Variants in IGSF21 observed in about 807,000 individuals in gnomAD.
IGSF21 encodes the protein immunoglobulin superfamily member 21.
IGSF21 carries 28 observed loss-of-function variants against 46.8 expected under a neutral mutation model. The ratio of observed to expected loss-of-function variants is 0.60; its 90% CI spans 0.44 to 0.82. IGSF21 has a LOEUF of 0.82. Among genes scored for constraint, IGSF21 ranks in the 40% least tolerant of loss-of-function variants. The probability of loss-of-function intolerance (pLI) is 0.00; values close to 1 mark genes in which losing one functional copy is unlikely to be tolerated. For synonymous variants in IGSF21, 284 were observed against 273.6 expected (o/e 1.04, Z -0.38); for missense variants, 624 against 665.5 (o/e 0.94, Z 0.69).
intron 2 of IGSF21, among the ~76,000 whole-genome samples, chr1:18,247,535 C>A (rs1337079922): frequency 6.6e-6 from 1 of 152,106 alleles, no homozygotes; most frequent in Non-Finnish European, 1.5e-5. Context: ...GGCCAGGAAG[C>A]AGCCCATCCT....
chr1:18,171,108 T>C (rs1367842792), intron 1 of IGSF21, among the ~76,000 whole-genome samples: 1 of 151,998 alleles, frequency 6.6e-6, no homozygotes, highest in Non-Finnish European at 1.5e-5. Flanking sequence ...GGAGCAAGTG[T>C]CTCGGTGTCT....
intron 3 of IGSF21, among the ~76,000 whole-genome samples, chr1:18,333,002 C>A (rs961933212): frequency 2.0e-5 from 3 of 152,124 alleles, no homozygotes; most frequent in Non-Finnish European, 4.4e-5. Context: ...TGTTGCTCTG[C>A]AAAAGCAGGT....
intron 3 of IGSF21, among the ~76,000 whole-genome samples, chr1:18,308,625 G>A (rs950058035): frequency 6.6e-6 from 1 of 152,210 alleles, no homozygotes. Context: ...ATAGTACAGT[G>A]TGCAAGCTCC....
At position 18,172,994 on chromosome 1, in the gene IGSF21, A is replaced by G. The variant is rs929046612; in HGVS notation, c.71-54904A>G. On this transcript the variant is annotated intron_variant, in intron 1 of 9. Coordinates refer to ENST00000251296, the MANE Select transcript of IGSF21 (RefSeq NM_032880.5). ...TAATATAAAATTTTTCACATTTTAA[A>G]AAAACAGCTTTAGGCCAGGTGCGGT... is the stretch of plus-strand genomic sequence containing the variant. Among the ~76,000 whole-genome samples the G allele has an allele frequency of 7.9e-5, 12 of 152,358 alleles. No individual in the cohort carries two copies. In the East Asian group the frequency reaches 9.6e-4, roughly 12 times the overall value.
At chr1:18,318,605 A>G (rs924007410) in intron 3 of IGSF21, among the ~76,000 whole-genome samples, 1 of 151,518 alleles carries the variant, frequency 6.6e-6, no homozygotes, top group Non-Finnish European at 1.5e-5. Flanking sequence ...ATGCCACCCC[A>G]CTTCTTCCAT....
intron 1 of IGSF21, among the ~76,000 whole-genome samples, chr1:18,165,497 AT>A (rs2086669512): frequency 1.3e-5 from 2 of 152,240 alleles, no homozygotes; most frequent in Admixed American, 6.5e-5. Flanking sequence ...AAGGCCCTAC[AT>A]CCAAACACAG....
intron 1 of IGSF21, among the ~76,000 whole-genome samples, chr1:18,132,335 C>G (rs1456148023): frequency 6.6e-6 from 1 of 152,212 alleles, no homozygotes; most frequent in Non-Finnish European, 1.5e-5. Context: ...GATTTATGGT[C>G]AGCCCTGTGG....
intron 3 of IGSF21, among the ~76,000 whole-genome samples, chr1:18,297,879 A>C (rs1451514182): frequency 2.6e-5 from 4 of 151,908 alleles, no homozygotes; most frequent in African/African-American, 9.7e-5. Context: ...GAACCCATGG[A>C]TCCGGAAGGC....
chr1:18,277,036 G>C (rs2085108837), intron 2 of IGSF21, among the ~76,000 whole-genome samples: 1 of 152,194 alleles, frequency 6.6e-6, no homozygotes, highest in Admixed American at 6.5e-5. Context: ...TGGGGAAAGA[G>C]ACAGGACTGA....
At chr1:18,315,400 C>A (rs1450967406) in intron 3 of IGSF21, among the ~76,000 whole-genome samples, 1 of 152,214 alleles carries the variant, frequency 6.6e-6, no homozygotes, top group Admixed American at 6.5e-5. Context: ...TTAATTCCAT[C>A]CCTGTCTGCA....
chr1:18,363,393 G>T (rs142384175), intron 5 of IGSF21, among the ~76,000 whole-genome samples: 2 of 152,312 alleles, frequency 1.3e-5, no homozygotes, highest in African/African-American at 4.8e-5. Context: ...CTGGGGCAGG[G>T]TGGTAAATGG....
intron 1 of IGSF21, among the ~76,000 whole-genome samples, chr1:18,191,930 C>A (rs1360762823): frequency 6.6e-6 from 1 of 152,148 alleles, no homozygotes; most frequent in South Asian, 2.1e-4. Context: ...CTGGCCCTGC[C>A]TGACACAAAC....
chr1:18,144,701 G>A (rs1009497478), intron 1 of IGSF21, among the ~76,000 whole-genome samples: 1 of 151,778 alleles, frequency 6.6e-6, no homozygotes, highest in African/African-American at 2.4e-5. Context: ...GCACGTTGCT[G>A]ATCTGAGAAC....
At position 18,107,829 on chromosome 1, in the gene IGSF21, A is replaced by G. The variant is rs1192364353; in HGVS notation, c.-300A>G. ...GCTCCAAACTCCGGCGCTGCAGCCG[A>G]TCGGACTCTGGGCCGCGGTGGGCAC... On this transcript the variant is annotated 5_prime_UTR_variant, in exon 1 of 10. Coordinates refer to ENST00000251296, the MANE Select transcript of IGSF21 (RefSeq NM_032880.5). 1 of 156,094 alleles carries G rather than the reference A, an allele frequency of 6.4e-6. No homozygotes were observed. The highest frequency in any genetic ancestry group is 2.4e-5 in the African/African-American group (1 of 41,192). 9.7% of individuals were successfully genotyped at this position (156,094 alleles called of 1,614,324 possible). A position where few individuals can be genotyped will look rare whatever the true frequency, so the allele number is the denominator to read the frequency against.
At chr1:18,368,393 C>T (rs1003990098) in intron 6 of IGSF21, among the ~76,000 whole-genome samples, 1 of 151,562 alleles carries the variant, frequency 6.6e-6, no homozygotes, top group Non-Finnish European at 1.5e-5. Context: ...TGCCTATAAT[C>T]CCAGCTACTC....
At position 18,362,130 on chromosome 1, in the gene IGSF21, T is replaced by C. The variant is rs769688874; in HGVS notation, c.440T>C (p.Ile147Thr). The C allele has an allele frequency of 1.7e-5, 28 of 1,610,450 alleles. No homozygotes were observed. Among genetic ancestry groups the C allele is most frequent in the Non-Finnish European group, 2.3e-5 (27 of 1,178,302 alleles). Residue 147 changes from isoleucine (I) to threonine (T), a missense_variant, in exon 5 of 10, where the codon ATT (isoleucine) becomes ACT (threonine). Coordinates refer to ENST00000251296, the MANE Select transcript of IGSF21 (RefSeq NM_032880.5). ...FLNVMAPPTSIEVVAADTPAP... is the reference protein window; with the variant it reads ...FLNVMAPPTSTEVVAADTPAP... Reference sequence around the variant, plus strand: ...TTTGGGGCAGCTCCTCCCACCTCCATTGAAGTGGTGGCTGCTGACACACCA... The same window carrying C: ...TTTGGGGCAGCTCCTCCCACCTCCACTGAAGTGGTGGCTGCTGACACACCA...
chr1:18,217,029 G>A lies in IGSF21; in HGVS notation c.71-10869G>A, dbSNP rs535439402. ...GGAGATAAATTCCAGACCCACAGCA[G>A]GGGGAGGGTGGTGCGAGGAATTTAT... On this transcript the variant is annotated intron_variant, in intron 1 of 9. Coordinates refer to ENST00000251296, the MANE Select transcript of IGSF21 (RefSeq NM_032880.5). Among the ~76,000 whole-genome samples the A allele has an allele frequency of 5.1e-4, 78 of 152,214 alleles. 1 individual carries two copies. Among genetic ancestry groups the A allele is most frequent in the Non-Finnish European group, 9.7e-4 (66 of 68,008 alleles).
chr1:18,250,199 T>A (rs1001010822), intron 2 of IGSF21, among the ~76,000 whole-genome samples: 1 of 150,718 alleles, frequency 6.6e-6, no homozygotes, highest in African/African-American at 2.4e-5. Flanking sequence ...ACATGTGTAT[T>A]GCTTTGTAAA....
chr1:18,203,190 G>C (rs929279168), intron 1 of IGSF21, among the ~76,000 whole-genome samples: 1 of 152,206 alleles, frequency 6.6e-6, no homozygotes, highest in Admixed American at 6.5e-5. Context: ...CCCACTTGTT[G>C]CAAGGCTAGG....
Sources: allele counts gnomAD v4.1 joint callset (sites outside exome capture counted in the v4.1 genomes callset), GRCh38; gene constraint gnomAD v4.1.1; transcripts MANE v1.5; gene names NCBI Gene and HGNC (gene_info 2026-07-23, HGNC 2026-07-21).